STXBP4: variants seen among roughly 807,000 people sequenced by gnomAD.
The protein encoded by STXBP4 is syntaxin binding protein 4, also known as syntaxin-binding protein 4.
STXBP4 carries 55 observed loss-of-function variants against 76.1 expected under a neutral mutation model. The observed-to-expected ratio is 0.72, with a 90% CI of 0.58 to 0.91. The LOEUF (loss-of-function observed/expected upper bound fraction) is 0.91. STXBP4 is among the 40% of genes least tolerant of loss of function. The probability of loss-of-function intolerance (pLI) is 0.00; values close to 1 mark genes in which losing one functional copy is unlikely to be tolerated. For missense variants in STXBP4, 618 were observed against 636.9 expected, an observed-to-expected ratio of 0.97 and a Z score of 0.32; for synonymous variants, 201 against 220.2, an observed-to-expected ratio of 0.91 and a Z score of 0.77.
chr17:55,196,947 A>G, the STXBP4 span, among the ~76,000 whole-genome samples: 1 of 152,362 alleles, frequency 6.6e-6, no homozygotes, highest in East Asian at 1.9e-4. Flanking sequence ...TAATAGATCC[A>G]GCCAACATTT....
At position 54,997,600 on chromosome 17, in the gene STXBP4, T is replaced by TTA. The variant is rs986249338; in HGVS notation, c.181-1731_181-1730dup. On this transcript the variant is annotated intron_variant, in intron 4 of 17. Coordinates refer to ENST00000376352, the MANE Select transcript of STXBP4 (RefSeq NM_178509.6). ...TAAATATATATATATTTTATATATT[T>TTA]TATATATATATATATTTTTTTTGAG... Among the ~76,000 whole-genome samples, 46 of 140,530 alleles carry TTA rather than the reference T, an allele frequency of 3.3e-4. No homozygotes were observed. The East Asian group carries it at 3.4e-3, about 10-fold the overall frequency. The allele number at this position is 140,530 out of a possible 152,430, so 92.2% of individuals were successfully genotyped here.
chr17:55,041,495 GACCTGGGTCACTGC>G (rs2078698947), intron 10 of STXBP4, among the ~76,000 whole-genome samples: 1 of 152,094 alleles, frequency 6.6e-6, no homozygotes, highest in African/African-American at 2.4e-5. Flanking sequence ...TGGCATTACA[GACCTGGGTCACTGC>G]ACCTGGCCTT....
intron 16 of STXBP4, among the ~76,000 whole-genome samples, chr17:55,139,751 T>G (rs187013854): frequency 1.2e-4 from 18 of 152,224 alleles, no homozygotes; most frequent in Admixed American, 7.9e-4. Context: ...AGGAAGTGCT[T>G]ATTTTCTACT....
At chr17:55,204,561 T>G in the STXBP4 span, among the ~76,000 whole-genome samples, 2 of 152,170 alleles carry the variant, frequency 1.3e-5, no homozygotes, top group Admixed American at 6.5e-5. Context: ...AGAATTTACT[T>G]TTGCTTGAGA....
At chr17:55,037,253 A>T (rs114946534) in intron 10 of STXBP4, among the ~76,000 whole-genome samples, 62 of 152,248 alleles carry the variant, frequency 4.1e-4, no homozygotes, top group African/African-American at 1.2e-3. Context: ...ATTGTTTTTT[A>T]CTGCCAAACA....
intron 12 of STXBP4, among the ~76,000 whole-genome samples, chr17:55,072,370 C>T (rs548607842): frequency 1.1e-4 from 16 of 152,224 alleles, no homozygotes; most frequent in Admixed American, 4.6e-4. Flanking sequence ...CGATTATGTA[C>T]TTTGCTACTA....
chr17:55,041,228 CTTTTTTTTT>C (rs373020633), intron 10 of STXBP4, among the ~76,000 whole-genome samples: 1 of 122,234 alleles, frequency 8.2e-6, no homozygotes, highest in Non-Finnish European at 1.7e-5. Context: ...TTTATTTAAA[CTTTTTTTTT>C]TTTTTTTTTT....
chr17:55,126,570 A>T (rs1483861575), intron 16 of STXBP4, among the ~76,000 whole-genome samples: 2 of 152,180 alleles, frequency 1.3e-5, no homozygotes, highest in African/African-American at 4.8e-5. Flanking sequence ...ATTTGTGAAA[A>T]TTCAGTAAAT....
intron 17 of STXBP4, among the ~76,000 whole-genome samples, chr17:55,146,825 T>C (rs1322333264): frequency 6.6e-6 from 1 of 152,208 alleles, no homozygotes; most frequent in East Asian, 1.9e-4. Context: ...CACCATATCA[T>C]GAACACATAG....
chr17:55,130,983 C>A (rs2145121917), intron 16 of STXBP4, among the ~76,000 whole-genome samples: 1 of 152,322 alleles, frequency 6.6e-6, no homozygotes, highest in African/African-American at 2.4e-5. Context: ...CTAACATGGG[C>A]ATTCAGACAT....
intron 13 of STXBP4, among the ~76,000 whole-genome samples, chr17:55,076,453 A>G (rs2079182550): frequency 6.6e-6 from 1 of 152,076 alleles, no homozygotes; most frequent in Non-Finnish European, 1.5e-5. Context: ...CTTGAAATAT[A>G]TTTTTGCTAC....
At chr17:55,210,771 T>C in the STXBP4 span, among the ~76,000 whole-genome samples, 19 of 152,382 alleles carry the variant, frequency 1.2e-4, no homozygotes, top group African/African-American at 3.1e-4. Flanking sequence ...TCTTGCCTTA[T>C]GCATAAATAT....
At chr17:55,194,368 TATGAATATAC>T in the STXBP4 span, among the ~76,000 whole-genome samples, 1 of 152,070 alleles carries the variant, frequency 6.6e-6, no homozygotes, top group African/African-American at 2.4e-5. Context: ...TATATATAAA[TATGAATATAC>T]ATATACACAA....
chr17:55,191,186 T>C, the STXBP4 span, among the ~76,000 whole-genome samples: 1 of 152,162 alleles, frequency 6.6e-6, no homozygotes, highest in Non-Finnish European at 1.5e-5. Flanking sequence ...TCTAGAGTCA[T>C]GTGGCTGGAG....
rs1471934969 is a variant in STXBP4 at position 55,168,422 on chromosome 17, A to G, written c.*8511A>G. ...TTAGTTTTTCCAATTAAGACTGTTC[A>G]TTGATTGTATTTCTTCTGTCTCTAT... On this transcript the variant is annotated 3_prime_UTR_variant, in exon 18 of 18. Transcript: ENST00000376352. 2.0e-5 allele frequency: 3 copies of G among 152,174 alleles called. No homozygotes were observed. The East Asian group carries it at 5.8e-4, about 29-fold the overall frequency. The allele number at this position is 152,174 out of a possible 1,614,324, so 9.4% of individuals were successfully genotyped here. A position where few individuals can be genotyped will look rare whatever the true frequency, so the allele number is the denominator to read the frequency against.
Position 55,159,991 on chromosome 17 carries a change from A to G in STXBP4, c.*80A>G, listed in dbSNP as rs1368443312. The G allele has an allele frequency of 2.4e-6, 2 of 844,908 alleles. No homozygotes were observed. Among genetic ancestry groups the G allele is most frequent in the Non-Finnish European group, 3.9e-6 (2 of 511,874 alleles). The allele number at this position is 844,908 out of a possible 1,614,324, so 52.3% of individuals were successfully genotyped here. On this transcript the variant is annotated 3_prime_UTR_variant, in exon 18 of 18. Coordinates refer to ENST00000376352, the MANE Select transcript of STXBP4 (RefSeq NM_178509.6). ...ATCCAATTCTGAGATGAAACAGTCT[A>G]AAATAGGAGTAAAGCATGCACTACT...
intron 8 of STXBP4, among the ~76,000 whole-genome samples, chr17:55,024,337 G>T (rs1473860632): frequency 6.6e-6 from 1 of 152,220 alleles, no homozygotes; most frequent in Admixed American, 6.5e-5. Flanking sequence ...AGTAGTCAGA[G>T]CTTTTCAGCT....
intron 7 of STXBP4, among the ~76,000 whole-genome samples, chr17:55,007,053 A>G (rs1292109497): frequency 1.3e-5 from 2 of 152,078 alleles, no homozygotes; most frequent in African/African-American, 4.8e-5. Flanking sequence ...AATTATGAAA[A>G]CTTGCCGGGT....
chr17:55,097,019 AT>A (rs1241810473), intron 16 of STXBP4, among the ~76,000 whole-genome samples: 2 of 152,220 alleles, frequency 1.3e-5, no homozygotes, highest in Admixed American at 6.5e-5. Flanking sequence ...ATGAAAAAAA[AT>A]GAAGATGTAA....
Sources: allele counts gnomAD v4.1 joint callset (sites outside exome capture counted in the v4.1 genomes callset), GRCh38; gene constraint gnomAD v4.1.1; transcripts MANE v1.5; gene names NCBI Gene and HGNC (gene_info 2026-07-23, HGNC 2026-07-21).